CHCHD6: variants seen among roughly 807,000 people sequenced by gnomAD.
CHCHD6 encodes the protein MICOS complex subunit MIC25.
CHCHD6 carries 28 observed loss-of-function variants against 32.3 expected under a neutral mutation model. The observed-to-expected ratio is 0.87, with a 90% CI of 0.64 to 1.19. The LOEUF (loss-of-function observed/expected upper bound fraction) is 1.19, where lower values mean the gene tolerates loss of function less well. Among genes scored for constraint, CHCHD6 ranks in the 50% most tolerant of loss-of-function variants. The pLI, the probability that CHCHD6 is intolerant of heterozygous loss-of-function variation, is 0.00. For synonymous variants in CHCHD6, 122 were observed against 117.5 expected (o/e 1.04, Z -0.25); for missense variants, 333 against 307.0 (o/e 1.08, Z -0.63).
chr3:126,711,432 GT>G (rs1333215944), intron 1 of CHCHD6, among the ~76,000 whole-genome samples: 1 of 152,180 alleles, frequency 6.6e-6, no homozygotes, highest in Non-Finnish European at 1.5e-5. Context: ...CTTATGATAT[GT>G]TTTATATGAT....
intron 4 of CHCHD6, among the ~76,000 whole-genome samples, chr3:126,781,409 T>C (rs1258815771): frequency 6.6e-6 from 1 of 152,218 alleles, no homozygotes; most frequent in African/African-American, 2.4e-5. Flanking sequence ...TCTTGCCTGG[T>C]TTCATGAAGT....
In CHCHD6 at chr3:126,869,680, C is replaced by T. The variant is rs11923291; in HGVS notation, c.495+16950C>T. Among the ~76,000 whole-genome samples, 456 of 152,110 alleles carry T rather than the reference C, an allele frequency of 3.0e-3. 3 individuals are homozygous for T. The highest frequency in any genetic ancestry group is 0.01 in the African/African-American group (415 of 41,500). ...TTTATATAATATGAATTATTAACTT[C>T]TAATTATTTATTGTTACTCTGTTTT... On this transcript the variant is annotated intron_variant, in intron 5 of 7. Transcript: ENST00000290913.
chr3:126,939,696 T>G (rs1319041040), intron 6 of CHCHD6, among the ~76,000 whole-genome samples: 1 of 152,250 alleles, frequency 6.6e-6, no homozygotes, highest in African/African-American at 2.4e-5. Context: ...ATAAAATGAC[T>G]GATTCTTTAA....
At chr3:126,712,964 G>A (rs1394356939) in intron 1 of CHCHD6, among the ~76,000 whole-genome samples, 2 of 152,102 alleles carry the variant, frequency 1.3e-5, no homozygotes, top group Non-Finnish European at 2.9e-5. Flanking sequence ...GAAAGCTGGC[G>A]GTCATCCACG....
rs115972026 is a variant in CHCHD6, at chr3:126,769,145, T to C, written c.411+35923T>C. On this transcript the variant is annotated intron_variant, in intron 4 of 7. Coordinates refer to ENST00000290913, the MANE Select transcript of CHCHD6 (RefSeq NM_032343.3). ...TGTTCAGAATGGTATCTTCCAGTAT[T>C]TTATGGTTCTAGGTTTTACATTTAA... Among the ~76,000 whole-genome samples, 889 of 152,330 alleles carry C rather than the reference T, an allele frequency of 5.8e-3. 9 individuals carry two copies. The highest frequency in any genetic ancestry group is 0.02 in the African/African-American group (836 of 41,584).
At chr3:126,767,061 G>T (rs1444590135) in intron 4 of CHCHD6, 1 of 998,030 alleles carries the variant, frequency 1.0e-6, no homozygotes, top group Non-Finnish European at 1.6e-6. Context: ...TGGGGAACCA[G>T]TCTGTAGTTG....
rs6804225 is a variant in CHCHD6 at position 126,704,270 on chromosome 3, C to A, written c.-43C>A. The A allele has an allele frequency of 5.8e-3, 8,793 of 1,523,116 alleles. 270 individuals are homozygous for A. The African/African-American group carries it at 0.081, about 14-fold the overall frequency. The allele number at this position is 1,523,116 out of a possible 1,614,324, so 94.4% of individuals were successfully genotyped here. On this transcript the variant is annotated 5_prime_UTR_variant, in exon 1 of 8. Coordinates refer to ENST00000290913, the MANE Select transcript of CHCHD6 (RefSeq NM_032343.3). ...GTTGTTGGCCCGGTTGCTCTGGAGCCGGGTCTCGGGTCTGGTGGCTGCCGG... is the reference window on the plus strand; with the variant it reads ...GTTGTTGGCCCGGTTGCTCTGGAGCAGGGTCTCGGGTCTGGTGGCTGCCGG...
chr3:126,733,584 C>A (rs1935910071), intron 4 of CHCHD6, among the ~76,000 whole-genome samples: 1 of 152,160 alleles, frequency 6.6e-6, no homozygotes, highest in Non-Finnish European at 1.5e-5. Flanking sequence ...GGACTAGAGG[C>A]CTGGAGCCAT....
At chr3:126,795,165 C>T (rs1938733627) in intron 4 of CHCHD6, among the ~76,000 whole-genome samples, 1 of 152,188 alleles carries the variant, frequency 6.6e-6, no homozygotes, top group Admixed American at 6.5e-5. Context: ...TAGCTGCCCA[C>T]GTCTCCTGCC....
At chr3:126,704,563 C>A (rs933044380) in intron 1 of CHCHD6, among the ~76,000 whole-genome samples, 164 bp downstream of exon 1, 6 of 152,120 alleles carry the variant, frequency 3.9e-5, no homozygotes, top group Admixed American at 2.6e-4. Flanking sequence ...GACGCGAGCC[C>A]GAGGCTGGCA....
chr3:126,861,517 G>A (rs72980849), intron 5 of CHCHD6, among the ~76,000 whole-genome samples: 4,313 of 151,134 alleles, frequency 0.029, 137 homozygotes, highest in East Asian at 0.14. Flanking sequence ...CACTGCCACC[G>A]CCACCACTAC....
In CHCHD6 at chr3:126,720,978, T is replaced by G. The variant is rs538987412; in HGVS notation, c.88-6100T>G. Among the ~76,000 whole-genome samples, 3 of 152,384 alleles carry G rather than the reference T, an allele frequency of 2.0e-5. No individual in the cohort carries two copies. The South Asian group carries it at 6.2e-4, about 32-fold the overall frequency. ...ACAATGTGGGATTTTTGTATTTACC[T>G]ACAATCAAACGGATCTGCTGCCTTC... On this transcript the variant is annotated intron_variant, in intron 1 of 7. Transcript: ENST00000290913.
chr3:126,706,960 C>A (rs560070950), intron 1 of CHCHD6, among the ~76,000 whole-genome samples: 1 of 152,090 alleles, frequency 6.6e-6, no homozygotes, highest in South Asian at 2.1e-4. Context: ...AAAGTGTTCT[C>A]GTCCCTGTAA....
intron 1 of CHCHD6, among the ~76,000 whole-genome samples, chr3:126,719,900 G>C (rs1286387113): frequency 6.6e-6 from 1 of 151,578 alleles, no homozygotes; most frequent in Non-Finnish European, 1.5e-5. Flanking sequence ...TTTAATTTGA[G>C]ACAGAGTTTC....
At chr3:126,753,490 G>A (rs1936817444) in intron 4 of CHCHD6, among the ~76,000 whole-genome samples, 1 of 152,202 alleles carries the variant, frequency 6.6e-6, no homozygotes, top group South Asian at 2.1e-4. Context: ...CTTGTAGACC[G>A]GCCTTGGGGT....
At chr3:126,942,275 T>C (rs1196336599) in intron 6 of CHCHD6, among the ~76,000 whole-genome samples, 1 of 152,178 alleles carries the variant, frequency 6.6e-6, no homozygotes, top group Non-Finnish European at 1.5e-5. Flanking sequence ...AGGCCTTATT[T>C]TCCCTTTGTG....
chr3:126,835,317 G>A (rs553269242), intron 4 of CHCHD6, among the ~76,000 whole-genome samples: 17 of 152,346 alleles, frequency 1.1e-4, no homozygotes, highest in African/African-American at 3.8e-4. Context: ...CTGCCTGCCT[G>A]CCTGACGTCG....
At chr3:126,899,806 C>A (rs539422345) in intron 5 of CHCHD6, among the ~76,000 whole-genome samples, 2 of 152,226 alleles carry the variant, frequency 1.3e-5, no homozygotes, top group Non-Finnish European at 2.9e-5. Flanking sequence ...TTAGCATGAA[C>A]CTTACCTGAA....
At chr3:126,718,813 T>C (rs564193706) in intron 1 of CHCHD6, among the ~76,000 whole-genome samples, 2 of 152,352 alleles carry the variant, frequency 1.3e-5, no homozygotes, top group African/African-American at 2.4e-5. Context: ...TCTGGTTCTG[T>C]TGGTGCAGGG....
Sources: allele counts gnomAD v4.1 joint callset (sites outside exome capture counted in the v4.1 genomes callset), GRCh38; gene constraint gnomAD v4.1.1; transcripts MANE v1.5; gene names NCBI Gene and HGNC (gene_info 2026-07-23, HGNC 2026-07-21).